The following ADCY10 variants were observed in gnomAD, a reference collection of about 807,000 sequenced individuals.
ADCY10 encodes the protein adenylate cyclase type 10.
A neutral mutation model predicts 183.3 loss-of-function variants in ADCY10; 156 were observed. The ratio of observed to expected loss-of-function variants is 0.85; its 90% CI spans 0.75 to 0.97. The LOEUF is 0.97. Among genes scored for constraint, ADCY10 ranks in the 50% least tolerant of loss-of-function variants. The probability of loss-of-function intolerance (pLI) is 0.00; values close to 1 mark genes in which losing one functional copy is unlikely to be tolerated. For missense variants in ADCY10, 1,745 were observed against 1,934.3 expected, an observed-to-expected ratio of 0.90 and a Z score of 1.84; for synonymous variants, 645 against 670.0, an observed-to-expected ratio of 0.96 and a Z score of 0.58.
intron 14 of ADCY10, among the ~76,000 whole-genome samples, chr1:167,866,476 G>T (rs1287706798): frequency 1.4e-5 from 2 of 147,942 alleles, no homozygotes; most frequent in Non-Finnish European, 3.0e-5. Context: ...AAAAACTCAG[G>T]TCGGCCCCAG....
chr1:167,837,344 TG>T, intron 21 of ADCY10, 26 bp from the exon 22 acceptor site: 1 of 1,579,100 alleles, frequency 6.3e-7, no homozygotes, highest in East Asian at 2.2e-5. Flanking sequence ...ATGAGTTGTA[TG>T]GGTCATTGAA....
At chr1:167,892,898 C>T (rs1571425199) in intron 8 of ADCY10, among the ~76,000 whole-genome samples, 1 of 152,144 alleles carries the variant, frequency 6.6e-6, no homozygotes, top group East Asian at 1.9e-4. Flanking sequence ...ATATCTTTTA[C>T]TTGACAACCT....
chr1:167,885,991 G>A (rs1015319140), intron 8 of ADCY10, among the ~76,000 whole-genome samples: 1 of 151,918 alleles, frequency 6.6e-6, no homozygotes, highest in African/African-American at 2.4e-5. Flanking sequence ...TCTTATATAG[G>A]GATGTGAAGG....
intron 16 of ADCY10, among the ~76,000 whole-genome samples, chr1:167,857,512 T>C (rs1417298072): frequency 1.3e-5 from 2 of 152,192 alleles, no homozygotes; most frequent in Admixed American, 6.5e-5. Flanking sequence ...TAATGAATTA[T>C]TCATAAATTG....
chr1:167,829,321 G>A lies in ADCY10; in HGVS notation c.3696C>T (p.His1232=), dbSNP rs61738852. 4,943 of 1,614,086 alleles carry A rather than the reference G, an allele frequency of 3.1e-3. 123 individuals are homozygous for A. The African/African-American group carries it at 0.056, about 18-fold the overall frequency. Residue 1232 remains histidine, a synonymous_variant, in exon 26 of 33, where the codon CAC becomes CAT. Coordinates refer to ENST00000367851, the MANE Select transcript of ADCY10 (RefSeq NM_018417.6). ...TATTCATTTGCATCATAACTGCCAG[G>A]TGGGCATAATACTTGCAGTGAAAAA... ...SYLFHCKYYA[H]LAVMMQMNTA...
intron 21 of ADCY10, among the ~76,000 whole-genome samples, chr1:167,839,906 T>C (rs1664487141): frequency 6.6e-6 from 1 of 152,138 alleles, no homozygotes; most frequent in South Asian, 2.1e-4. Context: ...TTCAACATTC[T>C]ATGTATTTTT....
intron 21 of ADCY10, among the ~76,000 whole-genome samples, chr1:167,843,306 A>C (rs1664786252): frequency 1.3e-5 from 2 of 151,850 alleles, no homozygotes; most frequent in Non-Finnish European, 2.9e-5. Flanking sequence ...AAAATAAAAC[A>C]TCAATCTACC....
chr1:167,865,620 G>A (rs560365664), intron 14 of ADCY10, among the ~76,000 whole-genome samples: 1 of 152,174 alleles, frequency 6.6e-6, no homozygotes, highest in African/African-American at 2.4e-5. Flanking sequence ...GCTTTCTTTG[G>A]TCTAAAAACT....
chr1:167,841,381 CCT>C (rs1401640196), intron 21 of ADCY10, among the ~76,000 whole-genome samples: 1 of 152,098 alleles, frequency 6.6e-6, no homozygotes, highest in African/African-American at 2.4e-5. Context: ...TCCCTCACTT[CCT>C]CTGTCTTTAC....
intron 7 of ADCY10, among the ~76,000 whole-genome samples, chr1:167,896,253 T>C (rs1668967630): frequency 1.3e-5 from 2 of 152,196 alleles, no homozygotes; most frequent in African/African-American, 4.8e-5. Context: ...CAGGTATAAA[T>C]ACATTTACAG....
intron 26 of ADCY10, among the ~76,000 whole-genome samples, chr1:167,828,952 A>T (rs1227915873): frequency 5.9e-5 from 9 of 151,930 alleles, no homozygotes; most frequent in African/African-American, 2.2e-4. Flanking sequence ...ACAGAGCAAG[A>T]CTCCATCTCA....
At chr1:167,911,956 A>G (rs1670173255) in intron 1 of ADCY10, among the ~76,000 whole-genome samples, 1 of 152,226 alleles carries the variant, frequency 6.6e-6, no homozygotes, top group Non-Finnish European at 1.5e-5. Flanking sequence ...AAAGAAGAAA[A>G]TGATAGGTTT....
At chr1:167,851,649 C>T (rs970584898) in intron 18 of ADCY10, among the ~76,000 whole-genome samples, 8 of 151,808 alleles carry the variant, frequency 5.3e-5, no homozygotes, top group African/African-American at 1.2e-4. Flanking sequence ...GGTGAAACCC[C>T]GTCTCTACTA....
At chr1:167,841,502 CTTTTT>C (rs71100905) in intron 21 of ADCY10, among the ~76,000 whole-genome samples, 11 of 90,902 alleles carry the variant, frequency 1.2e-4, no homozygotes, top group East Asian at 2.5e-4. Context: ...ATATGCTTTC[CTTTTT>C]TTTTTTTTTT....
At chr1:167,854,284 T>C in intron 18 of ADCY10, 69 bp downstream of exon 18, 1 of 1,605,388 alleles carries the variant, frequency 6.2e-7, no homozygotes, top group Non-Finnish European at 8.5e-7. Flanking sequence ...TCATTTTTGC[T>C]ACCTTCTCTG....
intron 18 of ADCY10, among the ~76,000 whole-genome samples, chr1:167,849,242 T>A (rs186457258): frequency 4.8e-4 from 73 of 152,324 alleles, no homozygotes; most frequent in Non-Finnish European, 9.1e-4. Context: ...TGAGGCACTG[T>A]ACTCTAATTA....
At chr1:167,872,810 G>A (rs541812042) in intron 13 of ADCY10, among the ~76,000 whole-genome samples, 2 of 150,538 alleles carry the variant, frequency 1.3e-5, no homozygotes, top group South Asian at 2.1e-4. Context: ...AGTGGCTCAC[G>A]TCTGTAATCC....
At position 167,854,381 on chromosome 1, in the gene ADCY10, C is replaced by G; in HGVS notation, c.2280G>C (p.Lys760Asn). 1 of 1,614,146 alleles carries G rather than the reference C, an allele frequency of 6.2e-7. No individual in the cohort carries two copies. Among genetic ancestry groups the G allele is most frequent in the South Asian group, 1.1e-5 (1 of 91,078 alleles). The change falls in exon 18 of 33, where the codon AAG (lysine) becomes AAC (asparagine). Residue 760 changes from lysine (K) to asparagine (N), a missense_variant. Physicochemically the swap from Lys to Asn is moderately conservative, Grantham distance 94 (BLOSUM62 0). Coordinates refer to ENST00000367851, the MANE Select transcript of ADCY10 (RefSeq NM_018417.6). ...ACAGGTTATTCCAGGTCCTATTTGT[C>G]TTTTCCTCAGACTCCGTTTGTTGGA... ...LVFQQTESEEKTNRTWNNLFK... is the reference protein window; with the variant it reads ...LVFQQTESEENTNRTWNNLFK...
intron 26 of ADCY10, among the ~76,000 whole-genome samples, chr1:167,828,598 G>A (rs922748961): frequency 1.3e-5 from 2 of 152,014 alleles, no homozygotes; most frequent in African/African-American, 2.4e-5. Context: ...TTTTGTTTGC[G>A]GAACAGAGTT....
Sources: allele counts gnomAD v4.1 joint callset (sites outside exome capture counted in the v4.1 genomes callset), GRCh38; gene constraint gnomAD v4.1.1; transcripts MANE v1.5; gene names NCBI Gene and HGNC (gene_info 2026-07-23, HGNC 2026-07-21).